The following DCC variants were observed in gnomAD, a reference collection of about 807,000 sequenced individuals.
DCC encodes the protein DCC netrin 1 receptor.
In DCC, 58 loss-of-function variants were observed where a neutral mutation model predicts 172.5. The ratio of observed to expected loss-of-function variants is 0.34; its 90% CI spans 0.27 to 0.42. DCC has a LOEUF of 0.42. Among genes scored for constraint, DCC ranks in the 10% least tolerant of loss-of-function variants. The pLI is 1.00. For missense variants in DCC, 1,740 were observed against 1,791.0 expected, an observed-to-expected ratio of 0.97 and a Z score of 0.51; for synonymous variants, 709 against 644.5, an observed-to-expected ratio of 1.10 and a Z score of -1.52.
rs556504510 is a variant in DCC, at chr18:52,466,070, C to T, written c.91+125192C>T. Among the ~76,000 whole-genome samples, 4 of 152,196 alleles carry T rather than the reference C, an allele frequency of 2.6e-5. No individual in the cohort carries two copies. In the South Asian group the frequency reaches 8.3e-4, roughly 32 times the overall value. The stretch of plus-strand genomic sequence containing the variant: ...AGAATGGATTATTGAATTGTGTTTT[C>T]TTACTATTTGATATTCAGGTGGTTT... On this transcript the variant is annotated intron_variant, in intron 1 of 28. Transcript: ENST00000442544.
chr18:53,385,973 A>G, intron 15 of DCC, 70 bp from the exon 16 acceptor site: 4 of 1,035,412 alleles, frequency 3.9e-6, no homozygotes, highest in Non-Finnish European at 6.1e-6. Context: ...TTTGAGGAAA[A>G]TGTTTGCCTT....
chr18:52,622,695 G>A (rs2034501815), intron 1 of DCC, among the ~76,000 whole-genome samples: 1 of 152,124 alleles, frequency 6.6e-6, no homozygotes, highest in African/African-American at 2.4e-5. Flanking sequence ...ACTTATCCAG[G>A]TTTCAACTAT....
intron 1 of DCC, among the ~76,000 whole-genome samples, chr18:52,475,249 T>G (rs1989060259): frequency 6.6e-6 from 1 of 152,198 alleles, no homozygotes; most frequent in Non-Finnish European, 1.5e-5. Context: ...GGAAATAGAA[T>G]GTTTTATAAA....
intron 14 of DCC, among the ~76,000 whole-genome samples, chr18:53,331,736 A>G (rs1330862502): frequency 6.6e-6 from 1 of 152,204 alleles, no homozygotes; most frequent in African/African-American, 2.4e-5. Context: ...CTTGATAGAC[A>G]GAGACCACGC....
chr18:52,590,145 C>A (rs1227830313), intron 1 of DCC, among the ~76,000 whole-genome samples: 2 of 135,972 alleles, frequency 1.5e-5, no homozygotes, highest in African/African-American at 5.4e-5. Context: ...CACTGGTGTG[C>A]CTTGGTATAA....
chr18:53,530,655 A>C lies in DCC; in HGVS notation c.*2A>C, dbSNP rs770386054. ...GCCATCACAGGCTCAGCCTTTTAAC[A>C]TGTATTTCTGAATGGATGAGGTGAA... On this transcript the variant is annotated 3_prime_UTR_variant, in exon 29 of 29. Coordinates refer to ENST00000442544, the MANE Select transcript of DCC (RefSeq NM_005215.4). 1 of 1,540,666 alleles carries C rather than the reference A, an allele frequency of 6.5e-7. No homozygotes were observed. The highest frequency in any genetic ancestry group is 9.0e-7 in the Non-Finnish European group (1 of 1,112,956).
intron 12 of DCC, among the ~76,000 whole-genome samples, chr18:53,297,203 T>C (rs995671067): frequency 6.6e-6 from 1 of 152,222 alleles, no homozygotes; most frequent in Admixed American, 6.5e-5. Flanking sequence ...AGTGTTTTAA[T>C]GGATCCCAGG....
At chr18:52,673,973 G>T (rs2035602756) in intron 1 of DCC, among the ~76,000 whole-genome samples, 1 of 152,112 alleles carries the variant, frequency 6.6e-6, no homozygotes, top group Non-Finnish European at 1.5e-5. Flanking sequence ...CTCACCTATG[G>T]TCTTTTATAC....
At chr18:52,748,884 C>A (rs1302075162) in intron 1 of DCC, among the ~76,000 whole-genome samples, 5 of 152,142 alleles carry the variant, frequency 3.3e-5, no homozygotes, top group Non-Finnish European at 1.5e-5. Flanking sequence ...ATGGAAAAGG[C>A]AATATTTGAT....
intron 25 of DCC, among the ~76,000 whole-genome samples, chr18:53,481,901 A>G (rs2045836126): frequency 6.6e-6 from 1 of 152,196 alleles, no homozygotes; most frequent in Non-Finnish European, 1.5e-5. Context: ...TCAGAGATAA[A>G]TTCAATTGTC....
At chr18:53,421,978 CCCAAACACTCACAGTATGT>C (rs1910665831) in intron 21 of DCC, among the ~76,000 whole-genome samples, 1 of 152,162 alleles carries the variant, frequency 6.6e-6, no homozygotes, top group African/African-American at 2.4e-5. Flanking sequence ...TTAAAACTTG[CCCAAACACTCACAGTATGT>C]AAGTGGTGTG....
At chr18:52,482,667 T>C (rs1239834243) in intron 1 of DCC, among the ~76,000 whole-genome samples, 1 of 152,186 alleles carries the variant, frequency 6.6e-6, no homozygotes, top group Non-Finnish European at 1.5e-5. Flanking sequence ...TCAAAAGCTC[T>C]ACCTCTTAAT....
intron 27 of DCC, 116 bp downstream of exon 27, chr18:53,499,626 A>T: frequency 2.3e-6 from 2 of 877,228 alleles, no homozygotes; most frequent in Non-Finnish European, 3.8e-6. Flanking sequence ...TGCTGATTAC[A>T]TGCCCAGTGT....
At chr18:52,835,687 C>T (rs2038692035) in intron 2 of DCC, among the ~76,000 whole-genome samples, 1 of 152,008 alleles carries the variant, frequency 6.6e-6, no homozygotes, top group African/African-American at 2.4e-5. Context: ...ATCTATATAT[C>T]CATATATAAT....
chr18:53,139,280 C>T (rs1181481831), intron 7 of DCC, among the ~76,000 whole-genome samples: 2 of 152,170 alleles, frequency 1.3e-5, no homozygotes, highest in Non-Finnish European at 2.9e-5. Context: ...GCAGAATGTG[C>T]TATTTATAAT....
intron 5 of DCC, among the ~76,000 whole-genome samples, chr18:53,046,848 C>G (rs1190842290): frequency 6.6e-6 from 1 of 151,872 alleles, no homozygotes; most frequent in East Asian, 2.0e-4. Flanking sequence ...CAGGACAGTT[C>G]AGTGACTTAC....
chr18:53,447,395 C>T (rs1449621291), intron 22 of DCC, among the ~76,000 whole-genome samples: 2 of 152,082 alleles, frequency 1.3e-5, no homozygotes, highest in Admixed American at 6.6e-5. Flanking sequence ...GTCATAAAGG[C>T]CTGCAGTCAA....
At chr18:53,355,824 T>A (rs975707817) in intron 15 of DCC, among the ~76,000 whole-genome samples, 1 of 152,138 alleles carries the variant, frequency 6.6e-6, no homozygotes, top group East Asian at 1.9e-4. Context: ...ATAATATGAT[T>A]TTTATTTCTC....
intron 12 of DCC, among the ~76,000 whole-genome samples, chr18:53,228,188 A>G (rs1205429870): frequency 2.6e-5 from 4 of 152,096 alleles, no homozygotes; most frequent in Admixed American, 6.6e-5. Flanking sequence ...TTTCTTTTCA[A>G]TGCCAATACA....
Sources: allele counts gnomAD v4.1 joint callset (sites outside exome capture counted in the v4.1 genomes callset), GRCh38; gene constraint gnomAD v4.1.1; transcripts MANE v1.5; gene names NCBI Gene and HGNC (gene_info 2026-07-23, HGNC 2026-07-21).